The following A4GALT variants were observed in gnomAD, a reference collection of about 807,000 sequenced individuals.
A4GALT encodes the protein lactosylceramide 4-alpha-galactosyltransferase.
For synonymous variants in A4GALT, 257 were observed against 220.7 expected, an observed-to-expected ratio of 1.16 and a Z score of -1.46; for missense variants, 512 against 486.0, an observed-to-expected ratio of 1.05 and a Z score of -0.50.
Position 42,701,219 on chromosome 22 carries a change from C to T in A4GALT, c.-187-5588G>A, listed in dbSNP as rs1259058116. ...GAGGACAACGGCCTGCACCAACATA[C>T]CTGAGCTTCCTTCCTGGCCCTGCCA... On this transcript the variant is annotated intron_variant, in intron 1 of 2. Transcript: ENST00000642412. 3.9e-5 allele frequency among the ~76,000 whole-genome samples: 6 copies of T among 152,192 alleles called. No homozygotes were observed. The South Asian group carries it at 6.2e-4, about 16-fold the overall frequency.
Position 42,692,248 on chromosome 22 carries a change from G to C in A4GALT, c.*642C>G. Reference sequence around the variant, plus strand: ...CTCCCCACCCAGCCCCTGTCTGAGGGAAGGGGCAGAGCATACACGCCCCCC... The same window carrying C: ...CTCCCCACCCAGCCCCTGTCTGAGGCAAGGGGCAGAGCATACACGCCCCCC... On this transcript the variant is annotated 3_prime_UTR_variant, in exon 3 of 3. Coordinates refer to ENST00000642412, the MANE Select transcript of A4GALT (RefSeq NM_017436.7). This position sits in a 1 kb window ranked among gnomAD's most constrained non-coding sequence, Gnocchi z 4.6. 1 of 194,714 alleles carries C rather than the reference G, an allele frequency of 5.1e-6. No homozygotes were observed. Among genetic ancestry groups the C allele is most frequent in the Non-Finnish European group, 1.1e-5 (1 of 93,142 alleles). The allele number at this position is 194,714 out of a possible 1,614,324, so 12.1% of individuals were successfully genotyped here.
rs1930742808 is a variant in A4GALT at position 42,694,089 on chromosome 22, G to A, written c.-46-92C>T. 4.8e-6 allele frequency: 4 copies of A among 835,260 alleles called. No homozygotes were observed. In the Admixed American group the frequency reaches 6.8e-5, roughly 14 times the overall value. The allele number at this position is 835,260 out of a possible 1,614,324, so 51.7% of individuals were successfully genotyped here. A position where few individuals can be genotyped will look rare whatever the true frequency, so the allele number is the denominator to read the frequency against. On this transcript the variant is annotated intron_variant, in intron 2 of 2. Coordinates refer to ENST00000642412, the MANE Select transcript of A4GALT (RefSeq NM_017436.7). ...CCTGTGAACATCAGCCAGAGCCAAG[G>A]CTGGCTTCCAAGCCCATGGGCTCCT...
At chr22:42,715,214 C>T (rs1213471837) in intron 1 of A4GALT, among the ~76,000 whole-genome samples, 1 of 151,996 alleles carries the variant, frequency 6.6e-6, no homozygotes, top group Non-Finnish European at 1.5e-5. Flanking sequence ...CCATAAATTC[C>T]AAGGCAACAT....
intron 1 of A4GALT, among the ~76,000 whole-genome samples, chr22:42,709,699 A>G (rs1327424905): frequency 6.6e-6 from 1 of 152,134 alleles, no homozygotes; most frequent in Non-Finnish European, 1.5e-5. Flanking sequence ...CTGAGATACG[A>G]GAATCGCTTG....
In A4GALT at chr22:42,692,848, G is replaced by C. The variant is rs1307849551; in HGVS notation, c.*42C>G. On this transcript the variant is annotated 3_prime_UTR_variant, in exon 3 of 3. Transcript: ENST00000642412. This position sits in a 1 kb window ranked among gnomAD's most constrained non-coding sequence, Gnocchi z 4.6. The stretch of plus-strand genomic sequence containing the variant: ...GCCTCCCCGGGAAGGGCGGCCCAGT[G>C]CCCCATCAGGAGCAGGTTGGGGAGG... 1 of 1,593,462 alleles carries C rather than the reference G, an allele frequency of 6.3e-7. No individual in the cohort carries two copies. Among genetic ancestry groups the C allele is most frequent in the South Asian group, 1.1e-5 (1 of 90,792 alleles).
chr22:42,709,889 A>G (rs1187363609), intron 1 of A4GALT, among the ~76,000 whole-genome samples: 3 of 152,228 alleles, frequency 2.0e-5, no homozygotes, highest in Admixed American at 6.5e-5. Context: ...GAAATCATGA[A>G]TATAATTCAT....
intron 1 of A4GALT, among the ~76,000 whole-genome samples, chr22:42,704,585 A>G (rs981330458): frequency 1.4e-4 from 21 of 151,916 alleles, no homozygotes; most frequent in African/African-American, 4.6e-4. Context: ...AGCAGAGGTT[A>G]CAAAATATTC....
rs377531578 is a variant in A4GALT, at chr22:42,693,756, G to A, written c.196C>T (p.Pro66Ser). The part of the protein sequence containing the change: ...PAEIPCPTLT[P>S]PTPPSHGPTP... ...GGGCCGTGGGAGGGTGGGGTGGGGG[G>A]TGTCAAGGTGGGGCAGGGGATCTCT... Residue 66 changes from proline (P) to serine (S), a missense_variant, in exon 3 of 3, where the codon CCC (proline) becomes TCC (serine). By Grantham distance (74) the Pro-to-Ser change is moderately conservative. Coordinates refer to ENST00000642412, the MANE Select transcript of A4GALT (RefSeq NM_017436.7). The A allele has an allele frequency of 1.8e-5, 29 of 1,606,258 alleles. No homozygotes were observed. In the South Asian group the frequency reaches 2.7e-4, roughly 15 times the overall value.
At chr22:42,694,152 G>A (rs2146957443) in intron 2 of A4GALT, among the ~76,000 whole-genome samples, 155 bp from the exon 3 acceptor site, 1 of 152,384 alleles carries the variant, frequency 6.6e-6, no homozygotes, top group African/African-American at 2.4e-5. Context: ...CCAGCCTGCT[G>A]GCTGCTCACC....
intron 1 of A4GALT, among the ~76,000 whole-genome samples, chr22:42,704,353 G>A (rs28992187): frequency 0.011 from 1,619 of 152,144 alleles, 19 homozygotes; most frequent in Non-Finnish European, 0.018. Context: ...TGGGCATGGT[G>A]GCACATGCCT....
chr22:42,702,044 C>T (rs780344479), intron 1 of A4GALT, among the ~76,000 whole-genome samples: 6 of 152,172 alleles, frequency 3.9e-5, no homozygotes, highest in Non-Finnish European at 8.8e-5. Context: ...GCTTTTTCTC[C>T]CTGGGACTCC....
At position 42,693,873 on chromosome 22, in the gene A4GALT, C is replaced by T. The variant is rs780487343; in HGVS notation, c.79G>A (p.Gly27Ser). ...RQRVCTLFIIGFKFTFFVSIM... is the reference protein window; with the variant it reads ...RQRVCTLFIISFKFTFFVSIM... Reference sequence around the variant, plus strand: ...GAGACGAAAAACGTGAACTTGAAGCCGATGATGAACAGGGTGCAGACCCGC... The same window carrying T: ...GAGACGAAAAACGTGAACTTGAAGCTGATGATGAACAGGGTGCAGACCCGC... Residue 27 changes from glycine (G) to serine (S), a missense_variant, in exon 3 of 3, where the codon GGC becomes AGC. Coordinates refer to ENST00000642412, the MANE Select transcript of A4GALT (RefSeq NM_017436.7). 1.7e-5 allele frequency: 27 copies of T among 1,610,550 alleles called. No individual in the cohort carries two copies. The Admixed American group carries it at 3.2e-4, about 19-fold the overall frequency.
At position 42,693,440 on chromosome 22, in the gene A4GALT, A is replaced by G; in HGVS notation, c.512T>C (p.Leu171Pro). The G allele has an allele frequency of 1.2e-6, 2 of 1,613,290 alleles. No homozygotes were observed. The highest frequency in any genetic ancestry group is 1.7e-6 in the Non-Finnish European group (2 of 1,179,974). ...AVQGRWEPYL[L>P]PVLSDASRIA... is the part of the protein sequence containing the mutation. ...CCTGGAGGCGTCGGAGAGCACGGGC[A>G]GCAGGTAGGGCTCCCAGCGCCCCTG... The change falls in exon 3 of 3, where the codon CTG becomes CCG. Residue 171 changes from leucine to proline, a missense_variant. Coordinates refer to ENST00000642412, the MANE Select transcript of A4GALT (RefSeq NM_017436.7).
At chr22:42,709,584 G>C (rs1326259719) in intron 1 of A4GALT, among the ~76,000 whole-genome samples, 1 of 152,038 alleles carries the variant, frequency 6.6e-6, no homozygotes, top group Non-Finnish European at 1.5e-5. Flanking sequence ...GAGGACAGGA[G>C]TTTGAGACCA....
chr22:42,700,525 A>G (rs1601997833), intron 1 of A4GALT, among the ~76,000 whole-genome samples: 1 of 152,180 alleles, frequency 6.6e-6, no homozygotes, highest in African/African-American at 2.4e-5. Flanking sequence ...TGTGGCTTCC[A>G]AGCCTCTCCA....
chr22:42,707,869 C>T (rs917609690), intron 1 of A4GALT, among the ~76,000 whole-genome samples: 1 of 150,868 alleles, frequency 6.6e-6, no homozygotes, highest in Non-Finnish European at 1.5e-5. Flanking sequence ...ATGGTGGCTC[C>T]TGTCTGTAAT....
chr22:42,702,278 G>T (rs554407638), intron 1 of A4GALT, among the ~76,000 whole-genome samples: 1 of 151,580 alleles, frequency 6.6e-6, no homozygotes, highest in East Asian at 1.9e-4. Context: ...ATGTGCAGCC[G>T]CTGTTGAGGA....
At chr22:42,705,579 G>A (rs1236794195) in intron 1 of A4GALT, among the ~76,000 whole-genome samples, 1 of 111,620 alleles carries the variant, frequency 9.0e-6, no homozygotes, top group Admixed American at 9.2e-5. Flanking sequence ...CTCCAGCCTG[G>A]GCGACAGAGA....
chr22:42,704,956 G>A (rs1920974537), intron 1 of A4GALT, among the ~76,000 whole-genome samples: 1 of 152,182 alleles, frequency 6.6e-6, no homozygotes, highest in Non-Finnish European at 1.5e-5. Context: ...GGAGATGGCA[G>A]AAGGCATGAG....
Sources: gnomAD v4.1 joint callset for allele counts (sites outside exome capture counted in the v4.1 genomes callset) on GRCh38, gnomAD v4.1.1 for gene constraint, Gnocchi (gnomAD v3.1) non-coding constraint, MANE v1.5 for transcripts, NCBI Gene and HGNC (gene_info 2026-07-23, HGNC 2026-07-21) for gene names.